The following ROBO2 variants were observed in gnomAD, a reference collection of about 807,000 sequenced individuals.
ROBO2 encodes the protein roundabout homolog 2.
A neutral mutation model predicts 160.8 loss-of-function variants in ROBO2; 53 were observed. The observed-to-expected ratio is 0.33, with a 90% CI of 0.26 to 0.41. The LOEUF (loss-of-function observed/expected upper bound fraction) is 0.41. Ranked by LOEUF, ROBO2 falls within the 10% of genes least tolerant of loss-of-function variation. ROBO2 has a pLI of 1.00. For synonymous variants in ROBO2, 664 were observed against 611.7 expected, an observed-to-expected ratio of 1.09 and a Z score of -1.26; for missense variants, 1,577 against 1,722.4, an observed-to-expected ratio of 0.92 and a Z score of 1.49.
At chr3:76,799,332 C>A (rs1207878161) in intron 2 of ROBO2, among the ~76,000 whole-genome samples, 2 of 152,064 alleles carry the variant, frequency 1.3e-5, no homozygotes, top group African/African-American at 4.8e-5. Context: ...GCAAGGATGC[C>A]TACTCTCACC....
At chr3:77,445,039 G>C (rs754426980) in intron 2 of ROBO2, among the ~76,000 whole-genome samples, 4 of 152,088 alleles carry the variant, frequency 2.6e-5, no homozygotes, top group Admixed American at 1.3e-4. Context: ...AAATCAGCAA[G>C]TGATTGATGT....
intron 4 of ROBO2, among the ~76,000 whole-genome samples, chr3:77,490,628 T>C (rs1044037379): frequency 6.6e-6 from 1 of 152,148 alleles, no homozygotes; most frequent in African/African-American, 2.4e-5. Context: ...GGCTTAGGCA[T>C]AAGAGGTTCA....
intron 2 of ROBO2, among the ~76,000 whole-genome samples, chr3:76,031,340 T>C (rs2066912891): frequency 6.6e-6 from 1 of 152,196 alleles, no homozygotes; most frequent in African/African-American, 2.4e-5. Flanking sequence ...TTTTCCTAAT[T>C]GAATACCCTT....
intron 2 of ROBO2, among the ~76,000 whole-genome samples, chr3:76,699,595 T>C (rs1402218908): frequency 6.6e-6 from 1 of 152,126 alleles, no homozygotes; most frequent in Non-Finnish European, 1.5e-5. Flanking sequence ...CTGAAGAACG[T>C]AGTTTCCTTT....
intron 2 of ROBO2, among the ~76,000 whole-genome samples, chr3:76,489,507 A>G (rs1256614644): frequency 6.6e-6 from 1 of 152,138 alleles, no homozygotes; most frequent in African/African-American, 2.4e-5. Context: ...CAGCTTTAAA[A>G]TGTTATAATT....
intron 2 of ROBO2, among the ~76,000 whole-genome samples, chr3:75,994,827 G>T (rs1265913984): frequency 6.6e-6 from 1 of 152,172 alleles, no homozygotes; most frequent in African/African-American, 2.4e-5. Flanking sequence ...CTAGAGACTT[G>T]TTGAATGGCT....
At chr3:76,181,560 A>G (rs1005414748) in intron 2 of ROBO2, among the ~76,000 whole-genome samples, 3 of 152,174 alleles carry the variant, frequency 2.0e-5, no homozygotes, top group Non-Finnish European at 2.9e-5. Context: ...AATATTTTGT[A>G]TGTGTTAATT....
At chr3:77,361,775 AGGG>A (rs1324900124) in intron 2 of ROBO2, among the ~76,000 whole-genome samples, 6 of 152,152 alleles carry the variant, frequency 3.9e-5, no homozygotes, top group Admixed American at 1.3e-4. Context: ...GGAATTTTGG[AGGG>A]ACATGAACAT....
At chr3:76,928,452 AT>A (rs35736164) in intron 2 of ROBO2, among the ~76,000 whole-genome samples, 4,240 of 142,620 alleles carry the variant, frequency 0.03, 83 homozygotes, top group African/African-American at 0.067. Context: ...GTTTATGATA[AT>A]TTTTTTTTTT....
chr3:76,504,052 G>T (rs1403085798), intron 2 of ROBO2, among the ~76,000 whole-genome samples: 5 of 152,112 alleles, frequency 3.3e-5, no homozygotes, highest in Non-Finnish European at 7.4e-5. Flanking sequence ...AAACAGAATA[G>T]TCCTTTTTTT....
At chr3:77,061,412 C>CT (rs1317804007) in intron 1 of ROBO2, among the ~76,000 whole-genome samples, 3 of 152,160 alleles carry the variant, frequency 2.0e-5, no homozygotes, top group African/African-American at 7.2e-5. Context: ...AAATTTTTAA[C>CT]TTTTTTTCCT....
rs2061108447 is a variant in ROBO2 at position 76,997,854 on chromosome 3, A to G, written c.110-100160A>G. ...TTGCTGTTGTATTGCAGCAGTTGCC[A>G]TGTCAGCTGGGAAATGGCCCAAAAT... On this transcript the variant is annotated intron_variant, in intron 2 of 26. Coordinates refer to the ROBO2 transcript ENST00000487694. Among the ~76,000 whole-genome samples the G allele has an allele frequency of 2.0e-5, 3 of 152,138 alleles. No homozygotes were observed. The South Asian group carries it at 6.2e-4, about 31-fold the overall frequency.
At chr3:75,924,321 G>A (rs1199810817) in intron 1 of ROBO2, among the ~76,000 whole-genome samples, 1 of 152,118 alleles carries the variant, frequency 6.6e-6, no homozygotes, top group African/African-American at 2.4e-5. Flanking sequence ...CGAAAGACCA[G>A]AGTGAGTAGA....
At chr3:77,214,632 C>G (rs542092776) in intron 2 of ROBO2, among the ~76,000 whole-genome samples, 1 of 152,230 alleles carries the variant, frequency 6.6e-6, no homozygotes, top group South Asian at 2.1e-4. Flanking sequence ...ATGATGTTAG[C>G]TGGTTATTTT....
intron 2 of ROBO2, among the ~76,000 whole-genome samples, chr3:77,169,104 T>C (rs2079382991): frequency 6.6e-6 from 1 of 152,306 alleles, no homozygotes; most frequent in African/African-American, 2.4e-5. Context: ...CGTATGCAAA[T>C]GGAAACATTC....
chr3:75,943,350 G>C (rs1948139149), intron 2 of ROBO2, among the ~76,000 whole-genome samples: 1 of 152,088 alleles, frequency 6.6e-6, no homozygotes, highest in South Asian at 2.1e-4. Flanking sequence ...CTCATCCTCT[G>C]AAGCTGAATT....
rs1001158343 is a variant in ROBO2, at chr3:77,115,671, T to C, written c.388+17331T>C. Reference sequence around the variant, plus strand: ...TCCCTTTAAAAATGTTCATCTGTTGTTTTGTTTGGGAGTTTAAAGATAGTT... The same window carrying C: ...TCCCTTTAAAAATGTTCATCTGTTGCTTTGTTTGGGAGTTTAAAGATAGTT... On this transcript the variant is annotated intron_variant, in intron 2 of 25. Transcript: ENST00000461745. 9.2e-5 allele frequency among the ~76,000 whole-genome samples: 14 copies of C among 152,194 alleles called. 1 individual carries two copies. Among genetic ancestry groups the C allele is most frequent in the African/African-American group, 2.9e-4 (12 of 41,452 alleles).
intron 2 of ROBO2, among the ~76,000 whole-genome samples, chr3:76,748,888 T>C (rs1297479107): frequency 6.6e-6 from 1 of 151,936 alleles, no homozygotes; most frequent in Admixed American, 6.6e-5. Flanking sequence ...ATTAGAATAT[T>C]CGTTACATCA....
chr3:76,608,417 C>G (rs189970825), intron 2 of ROBO2, among the ~76,000 whole-genome samples: 2 of 152,222 alleles, frequency 1.3e-5, no homozygotes, highest in Non-Finnish European at 2.9e-5. Context: ...TGAGTATTTG[C>G]CAATCTCTTT....
Sources: gnomAD v4.1 joint callset for allele counts (sites outside exome capture counted in the v4.1 genomes callset) on GRCh38, gnomAD v4.1.1 for gene constraint, MANE v1.5 for transcripts, NCBI Gene and HGNC (gene_info 2026-07-23, HGNC 2026-07-21) for gene names.